The following OSR1 variants were observed in gnomAD, a reference collection of about 807,000 sequenced individuals.
The protein encoded by OSR1 is odd-skipped related transcription factor 1, also known as protein odd-skipped-related 1.
In OSR1, 3 loss-of-function variants were observed where a neutral mutation model predicts 15.7. The observed-to-expected ratio is 0.19, with a 90% CI of 0.09 to 0.50. The LOEUF (loss-of-function observed/expected upper bound fraction) is 0.50, where lower values mean the gene tolerates loss of function less well. OSR1 is among the 20% of genes least tolerant of loss of function. OSR1 has a pLI of 0.97. For synonymous variants in OSR1, 166 were observed against 152.7 expected (o/e 1.09, Z -0.64); for missense variants, 271 against 351.1 (o/e 0.77, Z 1.82).
Position 19,353,856 on chromosome 2 carries a change from G to A in OSR1, c.-32-19C>T, listed in dbSNP as rs1472860780. ...TCCGGATCTGCAAAGAAAAGAAGAA[G>A]GCAGGGGCGTGGAGAGGAATAAAGA... On this transcript the variant is annotated intron_variant, in intron 1 of 2. Coordinates refer to ENST00000272223, the MANE Select transcript of OSR1 (RefSeq NM_145260.3). 3.2e-6 allele frequency: 5 copies of A among 1,547,770 alleles called. No individual in the cohort carries two copies. The South Asian group carries it at 3.6e-5, about 11-fold the overall frequency.
intron 2 of OSR1, among the ~76,000 whole-genome samples, 186 bp from the exon 3 acceptor site, chr2:19,352,596 C>A (rs1664862634): frequency 6.6e-6 from 1 of 152,050 alleles, no homozygotes; most frequent in South Asian, 2.1e-4. Flanking sequence ...GATGCTTTAG[C>A]AAAGTCTGAT....
chr2:19,347,247 C>T (rs562113472), downstream of OSR1, among the ~76,000 whole-genome samples: 12 of 152,336 alleles, frequency 7.9e-5, no homozygotes, highest in South Asian at 1.7e-3. Context: ...GGCCTTCATA[C>T]ATGCCAAAGT....
Position 19,353,456 on chromosome 2 carries a change from A to G in OSR1, c.350T>C (p.Phe117Ser). Residue 117 changes from phenylalanine to serine, a missense_variant, in exon 2 of 3, where the codon TTT (phenylalanine) becomes TCT (serine). Around this residue, in one of 4 missense-constraint regions of OSR1, gnomAD observed 210 missense variants for 218.4 expected, o/e 0.96. Coordinates refer to ENST00000272223, the MANE Select transcript of OSR1 (RefSeq NM_145260.3). ...TGCCAAGGCCAGGTTGGCAAAATCA[A>G]AGCGCGGCTTGGTCTTGAGCGCTGG... ...SVPALKTKPR[F>S]DFANLALAAT... is the part of the protein sequence containing the mutation. 6.2e-7 allele frequency: 1 copy of G among 1,613,978 alleles called. No individual in the cohort carries two copies. The highest frequency in any genetic ancestry group is 8.5e-7 in the Non-Finnish European group (1 of 1,179,842).
At chr2:19,350,852 G>C (rs1488226242), downstream of OSR1, among the ~76,000 whole-genome samples, 1 of 152,150 alleles carries the variant, frequency 6.6e-6, no homozygotes, top group Non-Finnish European at 1.5e-5. Flanking sequence ...GAATCTTCGC[G>C]GGTGCAGAGC....
downstream of OSR1, among the ~76,000 whole-genome samples, chr2:19,348,163 C>T (rs1572257169): frequency 1.3e-5 from 2 of 152,098 alleles, no homozygotes; most frequent in South Asian, 2.1e-4. Context: ...TGAAACCCCG[C>T]GGGCAGGGAG....
chr2:19,353,123 C>T lies in OSR1; in HGVS notation c.665+18G>A, dbSNP rs755870279. Reference sequence around the variant, plus strand: ...CAGAGGCAGAGAGCTCTCTCTTGCGCCACCCGCAGTGCCGCACCTGTGGTC... The same window carrying T: ...CAGAGGCAGAGAGCTCTCTCTTGCGTCACCCGCAGTGCCGCACCTGTGGTC... On this transcript the variant is annotated intron_variant, in intron 2 of 2. Coordinates refer to ENST00000272223, the MANE Select transcript of OSR1 (RefSeq NM_145260.3). 8 of 1,610,830 alleles carry T rather than the reference C, an allele frequency of 5.0e-6. No individual in the cohort carries two copies. Among genetic ancestry groups the T allele is most frequent in the Middle Eastern group, 1.7e-4 (1 of 6,028 alleles).
chr2:19,354,299 T>C (rs1664905818), intron 1 of OSR1: 1 of 157,472 alleles, frequency 6.4e-6, no homozygotes, highest in Non-Finnish European at 1.4e-5. Flanking sequence ...TCAGACATTC[T>C]GAGGCAGAAT....
rs185854041 is a variant in OSR1 at position 19,357,268 on chromosome 2, G to T, written c.-33+1073C>A. ...CTCCAGCGCTTCTCTTCCCTAGGGG[G>T]TTGTGAACCTGGGACACCTAGCCTT... is the stretch of plus-strand genomic sequence containing the variant. On this transcript the variant is annotated intron_variant, in intron 1 of 2. Transcript: ENST00000272223. The surrounding 1 kb of genome is among the most constrained non-coding windows in gnomAD (Gnocchi z 5.0). 2.5e-4 allele frequency among the ~76,000 whole-genome samples: 38 copies of T among 152,304 alleles called. No homozygotes were observed. The highest frequency in any genetic ancestry group is 4.6e-4 in the Non-Finnish European group (31 of 68,028).
At chr2:19,349,154 C>T (rs148142019), downstream of OSR1, among the ~76,000 whole-genome samples, 261 of 152,274 alleles carry the variant, frequency 1.7e-3, 1 homozygote, top group African/African-American at 6.1e-3. Flanking sequence ...CATTTCTGAC[C>T]CTCTCAATTG....
chr2:19,354,109 C>A, intron 1 of OSR1: 1 of 388,250 alleles, frequency 2.6e-6, no homozygotes, highest in Non-Finnish European at 4.7e-6. Context: ...GAGGGAAGGG[C>A]CTACTGTATG....
downstream of OSR1, among the ~76,000 whole-genome samples, chr2:19,349,814 C>T (rs1189566856): frequency 6.6e-6 from 1 of 152,206 alleles, no homozygotes; most frequent in East Asian, 1.9e-4. Context: ...TGTGTGTTCA[C>T]CCATGCACTC....
chr2:19,349,581 G>T (rs1482385823), downstream of OSR1, among the ~76,000 whole-genome samples: 1 of 152,172 alleles, frequency 6.6e-6, no homozygotes, highest in Non-Finnish European at 1.5e-5. Flanking sequence ...CTGGAGGTGG[G>T]GTGACCCAAA....
At chr2:19,348,243 A>G (rs1664773054), downstream of OSR1, among the ~76,000 whole-genome samples, 2 of 151,068 alleles carry the variant, frequency 1.3e-5, no homozygotes, top group African/African-American at 2.4e-5. Context: ...ACAGCTGCCA[A>G]CGCTTCGGGT....
At chr2:19,354,363 T>TAA (rs45510895) in intron 1 of OSR1, 1 of 152,582 alleles carries the variant, frequency 6.6e-6, no homozygotes, top group African/African-American at 2.4e-5. Flanking sequence ...ACACTGGCTT[T>TAA]AAAAAAATGC....
chr2:19,346,994 A>G (rs1225340747), downstream of OSR1, among the ~76,000 whole-genome samples: 1 of 152,164 alleles, frequency 6.6e-6, no homozygotes, highest in African/African-American at 2.4e-5. Context: ...ATCCCAACCA[A>G]ACATAACAAT....
In OSR1 at chr2:19,354,229, G is replaced by A. The variant is rs556686999; in HGVS notation, c.-32-392C>T. The A allele has an allele frequency of 6.9e-5, 12 of 173,776 alleles. No homozygotes were observed. The South Asian group carries it at 1.9e-3, about 28-fold the overall frequency. 10.8% of individuals were successfully genotyped at this position (173,776 alleles called of 1,614,324 possible). ...TCACAATCTCCTGCAAAGATAACAG[G>A]AGCTGGGGAACATACTTACACATTT... On this transcript the variant is annotated intron_variant, in intron 1 of 2. Transcript: ENST00000272223.
In OSR1 at chr2:19,352,113, G is replaced by A. The variant is rs1217284380; in HGVS notation, c.*162C>T. 4.1e-6 allele frequency: 3 copies of A among 729,398 alleles called. No individual in the cohort carries two copies. The highest frequency in any genetic ancestry group is 6.2e-6 in the Non-Finnish European group (3 of 482,608). 45.2% of individuals were successfully genotyped at this position (729,398 alleles called of 1,614,324 possible). On this transcript the variant is annotated 3_prime_UTR_variant, in exon 3 of 3. Transcript: ENST00000272223. Reference sequence around the variant, plus strand: ...ACGGTCGGGGTCGCGGCCCCGGGCGGGGCTCTGAAGTGCCGCGTGCGCCAG... The same window carrying A: ...ACGGTCGGGGTCGCGGCCCCGGGCGAGGCTCTGAAGTGCCGCGTGCGCCAG...
intron 1 of OSR1, 82 bp from the exon 2 acceptor site, chr2:19,353,919 G>T: frequency 8.7e-7 from 1 of 1,155,272 alleles, no homozygotes; most frequent in Non-Finnish European, 1.2e-6. Context: ...AATTCCAGCC[G>T]AGCCACACCC....
chr2:19,347,636 G>C (rs1444798651), downstream of OSR1, among the ~76,000 whole-genome samples: 1 of 152,242 alleles, frequency 6.6e-6, no homozygotes, highest in Non-Finnish European at 1.5e-5. Context: ...GGGATGAACG[G>C]GTGGAGTGGG....
Sources: allele counts gnomAD v4.1 joint callset (sites outside exome capture counted in the v4.1 genomes callset), GRCh38; gene constraint gnomAD v4.1.1; regional missense constraint gnomAD v4.1.1; non-coding constraint Gnocchi (gnomAD v3.1); transcripts MANE v1.5; gene names NCBI Gene and HGNC (gene_info 2026-07-23, HGNC 2026-07-21).